Variants in ZNF469 observed in about 807,000 individuals in gnomAD.
ZNF469 encodes zinc finger protein 469.
In ZNF469, 1 loss-of-function variant was observed where a neutral mutation model predicts 1.0. That is an observed-to-expected ratio of 1.00 (90% confidence interval 0.35 to 4.73). The LOEUF is 4.73. Among genes scored for constraint, ZNF469 ranks in the 30% most tolerant of loss-of-function variants. The pLI is 0.16. For missense variants in ZNF469, 6,100 were observed against 5,356.3 expected, an observed-to-expected ratio of 1.14 and a Z score of -4.33; for synonymous variants, 2,703 against 2,363.4, an observed-to-expected ratio of 1.14 and a Z score of -4.17.
chr16:88,158,335 G>T, the ZNF469 span, among the ~76,000 whole-genome samples: 1 of 152,138 alleles, frequency 6.6e-6, no homozygotes, highest in Middle Eastern at 3.4e-3. Flanking sequence ...GTGGGGTGGG[G>T]GCACGGGAAG....
the ZNF469 span, among the ~76,000 whole-genome samples, chr16:88,336,589 T>TGC: frequency 6.6e-6 from 1 of 150,764 alleles, no homozygotes; most frequent in Non-Finnish European, 1.5e-5. Flanking sequence ...GACACTGACA[T>TGC]GCCAACACCA....
chr16:88,279,316 C>T, the ZNF469 span, among the ~76,000 whole-genome samples: 12 of 151,532 alleles, frequency 7.9e-5, no homozygotes, highest in South Asian at 1.0e-3. Context: ...TGCTGACACT[C>T]GGTCAGTACC....
chr16:88,412,499 A>G lies in ZNF469; in HGVS notation c.-191-12308A>G, dbSNP rs1264829887. Reference sequence around the variant, plus strand: ...GCCAGTGAAGGCTTTTCCTGCTCCAATGGCGGTTCCAGAAACCCTTGACCT... The same window carrying G: ...GCCAGTGAAGGCTTTTCCTGCTCCAGTGGCGGTTCCAGAAACCCTTGACCT... On this transcript the variant is annotated intron_variant, in intron 1 of 2. Coordinates refer to ENST00000565624, the MANE Select transcript of ZNF469 (RefSeq NM_001367624.2). 4.1e-4 allele frequency among the ~76,000 whole-genome samples: 62 copies of G among 152,158 alleles called. 1 individual carries two copies. The highest frequency in any genetic ancestry group is 4.0e-3 in the Admixed American group (61 of 15,280).
the ZNF469 span, among the ~76,000 whole-genome samples, chr16:88,306,297 C>T: frequency 6.6e-6 from 1 of 152,260 alleles, no homozygotes; most frequent in Non-Finnish European, 1.5e-5. Flanking sequence ...GTCCGCATCT[C>T]CTTGTCAGTA....
chr16:88,241,225 G>T, the ZNF469 span, among the ~76,000 whole-genome samples: 1 of 152,108 alleles, frequency 6.6e-6, no homozygotes, highest in Admixed American at 6.6e-5. This position sits in a 1 kb window ranked among gnomAD's most constrained non-coding sequence, Gnocchi z 4.8. Context: ...TAAGTGTCAT[G>T]GCACGCACCT....
chr16:88,361,390 A>G, the ZNF469 span, among the ~76,000 whole-genome samples: 2 of 152,242 alleles, frequency 1.3e-5, no homozygotes, highest in African/African-American at 4.8e-5. Context: ...CTATTTTTAT[A>G]TAGGAAAATC....
chr16:88,359,383 G>T, the ZNF469 span, among the ~76,000 whole-genome samples: 2 of 151,838 alleles, frequency 1.3e-5, no homozygotes, highest in Non-Finnish European at 2.9e-5. Flanking sequence ...ATTTGCTATT[G>T]TCTGCTTCTG....
At position 88,429,321 on chromosome 16, in the gene ZNF469, C is replaced by T. The variant is rs1475623361; in HGVS notation, c.1851C>T (p.Asn617=). The T allele has an allele frequency of 2.6e-6, 4 of 1,549,928 alleles. No homozygotes were observed. The East Asian group carries it at 9.8e-5, about 38-fold the overall frequency. The part of the protein sequence containing the change: ...SLSPMSSSPA[N]PSSEESQLPG... ...CGCCGATGTCCAGCAGCCCAGCCAA[C>T]CCCAGCTCAGAGGAAAGCCAGCTCC... The change falls in exon 3 of 3, where the codon AAC becomes AAT. Residue 617 remains asparagine (N), a synonymous_variant. Transcript: ENST00000565624.
rs1217197576 is a variant in ZNF469 at position 88,434,441 on chromosome 16, G to C, written c.6971G>C (p.Arg2324Thr). ...CACACCAACCCTGACAGGATGCCCAGGGGCCACTCCTCGTATTCTCCAAGC... is the reference window on the plus strand; with the variant it reads ...CACACCAACCCTGACAGGATGCCCACGGGCCACTCCTCGTATTCTCCAAGC... ...PPHTNPDRMP[R>T]GHSSYSPSNT... is the part of the protein sequence containing the mutation. Residue 2324 changes from arginine (R) to threonine (T), a missense_variant, in exon 3 of 3, where the codon AGG becomes ACG. Transcript: ENST00000565624. The C allele has an allele frequency of 2.6e-6, 4 of 1,549,778 alleles. No individual in the cohort carries two copies. In the South Asian group the frequency reaches 3.6e-5, roughly 14 times the overall value.
chr16:88,209,897 A>G, the ZNF469 span, among the ~76,000 whole-genome samples: 2 of 152,164 alleles, frequency 1.3e-5, no homozygotes, highest in African/African-American at 2.4e-5. Flanking sequence ...TTTCTAATGC[A>G]TTTTCATACT....
At chr16:88,407,024 C>T (rs538625943) in intron 1 of ZNF469, among the ~76,000 whole-genome samples, 1 of 152,202 alleles carries the variant, frequency 6.6e-6, no homozygotes, top group African/African-American at 2.4e-5. Context: ...GAGATCGCGC[C>T]TGTGATACTG....
intron 1 of ZNF469, among the ~76,000 whole-genome samples, chr16:88,384,498 G>A (rs2092533009): frequency 6.6e-6 from 1 of 152,242 alleles, no homozygotes; most frequent in Non-Finnish European, 1.5e-5. Context: ...AGGGCAGCCA[G>A]GCACCCTCGG....
chr16:88,328,696 G>A, the ZNF469 span, among the ~76,000 whole-genome samples: 2 of 152,158 alleles, frequency 1.3e-5, no homozygotes, highest in African/African-American at 4.8e-5. Context: ...CGTTCCAGCC[G>A]GGGGGCTGGG....
the ZNF469 span, among the ~76,000 whole-genome samples, chr16:88,103,788 T>C: frequency 4.8e-4 from 62 of 130,396 alleles, no homozygotes; most frequent in African/African-American, 1.8e-3. Flanking sequence ...CTCCGTGGCA[T>C]GGGGGGTTGG....
chr16:88,266,445 G>A, the ZNF469 span, among the ~76,000 whole-genome samples: 24 of 152,362 alleles, frequency 1.6e-4, no homozygotes, highest in African/African-American at 5.8e-4. Context: ...AAGGTCACTC[G>A]TGTCCTCGGG....
At chr16:88,265,464 G>A in the ZNF469 span, among the ~76,000 whole-genome samples, 2 of 152,196 alleles carry the variant, frequency 1.3e-5, no homozygotes, top group Admixed American at 6.5e-5. Flanking sequence ...CGGCACAGAG[G>A]GGCAGGGGGA....
intron 1 of ZNF469, among the ~76,000 whole-genome samples, chr16:88,404,171 A>C: frequency 7.4e-6 from 1 of 134,876 alleles, no homozygotes; most frequent in African/African-American, 2.6e-5. Flanking sequence ...GAGACATGTC[A>C]CAGCCCCACA....
chr16:88,228,748 T>C, the ZNF469 span, among the ~76,000 whole-genome samples: 3 of 152,232 alleles, frequency 2.0e-5, no homozygotes, highest in South Asian at 4.1e-4. Context: ...CTGTGAATTG[T>C]TTCAATAGTT....
chr16:88,167,951 C>A, the ZNF469 span, among the ~76,000 whole-genome samples: 9 of 152,354 alleles, frequency 5.9e-5, no homozygotes, highest in African/African-American at 2.2e-4. Flanking sequence ...AACACTGCCC[C>A]CCTCCAAACA....
Sources: allele counts gnomAD v4.1 joint callset (sites outside exome capture counted in the v4.1 genomes callset), GRCh38; gene constraint gnomAD v4.1.1; non-coding constraint Gnocchi (gnomAD v3.1); transcripts MANE v1.5; gene names NCBI Gene and HGNC (gene_info 2026-07-23, HGNC 2026-07-21).